MUC7: variants seen among roughly 807,000 people sequenced by gnomAD.
MUC7 encodes the protein mucin 7, secreted, also known as mucin-7.
In MUC7, 2 loss-of-function variants were observed where a neutral mutation model predicts 2.5. The observed-to-expected ratio is 0.81, with a 90% CI of 0.33 to 2.55. The LOEUF (loss-of-function observed/expected upper bound fraction) is 2.55. MUC7 is among the 30% of genes most tolerant of loss of function. MUC7 has a pLI of 0.11. For synonymous variants in MUC7, 133 were observed against 173.4 expected, an observed-to-expected ratio of 0.77 and a Z score of 1.83; for missense variants, 408 against 455.6, an observed-to-expected ratio of 0.90 and a Z score of 0.95.
rs1219212206 is a variant in MUC7, at chr4:70,482,776, T to G, written c.*898T>G. 1 of 152,256 alleles carries G rather than the reference T, an allele frequency of 6.6e-6. No homozygotes were observed. Among genetic ancestry groups the G allele is most frequent in the Non-Finnish European group, 1.5e-5 (1 of 68,040 alleles). The allele number at this position is 152,256 out of a possible 1,614,324, so 9.4% of individuals were successfully genotyped here. The stretch of plus-strand genomic sequence containing the variant: ...ATTTAGTATACATTTGAATGTATTT[T>G]AAACCATGCCAAACTACTGCTTTAA... On this transcript the variant is annotated 3_prime_UTR_variant, in exon 3 of 3. Transcript: ENST00000304887.
chr4:70,456,427 T>A (rs1396789763), intron 1 of MUC7, among the ~76,000 whole-genome samples: 1 of 152,204 alleles, frequency 6.6e-6, no homozygotes, highest in East Asian at 1.9e-4. Context: ...TGAGACTGGG[T>A]AATTTATAAA....
intron 1 of MUC7, among the ~76,000 whole-genome samples, chr4:70,459,175 T>G (rs552206476): frequency 3.7e-4 from 57 of 152,284 alleles, no homozygotes; most frequent in African/African-American, 1.3e-3. Context: ...TTAATACTAA[T>G]AGTTACCTCA....
At chr4:70,433,123 G>A (rs1421706950) in intron 1 of MUC7, among the ~76,000 whole-genome samples, 1 of 152,144 alleles carries the variant, frequency 6.6e-6, no homozygotes, top group Non-Finnish European at 1.5e-5. Flanking sequence ...TGCTGTTTTG[G>A]TTACTGTAGC....
chr4:70,461,613 A>G (rs946529844), intron 1 of MUC7, among the ~76,000 whole-genome samples: 1 of 152,170 alleles, frequency 6.6e-6, no homozygotes, highest in African/African-American at 2.4e-5. Context: ...ACAAAATGCT[A>G]TCTTTAAAGT....
chr4:70,456,623 G>A (rs1049599340), intron 1 of MUC7, among the ~76,000 whole-genome samples: 2 of 152,148 alleles, frequency 1.3e-5, no homozygotes, highest in African/African-American at 4.8e-5. Flanking sequence ...TCACTGTCAT[G>A]AGAACAGCAT....
At chr4:70,471,485 A>G (rs895576395), upstream of MUC7, among the ~76,000 whole-genome samples, 8 of 152,184 alleles carry the variant, frequency 5.3e-5, no homozygotes, top group African/African-American at 1.9e-4. Flanking sequence ...TATAAAAGAA[A>G]GGCTTTTTAG....
At chr4:70,467,563 A>T (rs890710384), upstream of MUC7, among the ~76,000 whole-genome samples, 1 of 152,242 alleles carries the variant, frequency 6.6e-6, no homozygotes, top group African/African-American at 2.4e-5. Flanking sequence ...TGCAATAAAA[A>T]ATGATAAAAG....
rs142374255 is a variant in MUC7 at position 70,458,819 on chromosome 4, AACAG to A, written c.-92-13392_-92-13389del. ...TTGCTAGAAACATGATTATAAGAAAAACAGACAAAGTTATTAACAGAAAAAAAGA... is the reference window on the plus strand; with the variant it reads ...TTGCTAGAAACATGATTATAAGAAAAACAAAGTTATTAACAGAAAAAAAGA... On this transcript the variant is annotated intron_variant, in intron 1 of 3. Transcript: ENST00000413702. Among the ~76,000 whole-genome samples the A allele has an allele frequency of 5.5e-3, 836 of 152,232 alleles. 4 individuals are homozygous for A. The highest frequency in any genetic ancestry group is 0.019 in the African/African-American group (798 of 41,564).
intron 1 of MUC7, chr4:70,430,837 G>T (rs1050540281): frequency 1.3e-5 from 2 of 152,082 alleles, no homozygotes; most frequent in African/African-American, 4.8e-5. Context: ...GGTTAGTAAT[G>T]CTATTTTATT....
intron 1 of MUC7, among the ~76,000 whole-genome samples, chr4:70,438,456 T>TTTTGATTTGGTTTGG (rs1553917928): frequency 6.6e-6 from 1 of 151,350 alleles, no homozygotes; most frequent in South Asian, 2.1e-4. Flanking sequence ...TTTTGTTTTG[T>TTTTGATTTGGTTTGG]TTTGGTTTGG....
intron 1 of MUC7, among the ~76,000 whole-genome samples, chr4:70,464,455 T>C (rs1734631102): frequency 6.6e-6 from 1 of 152,132 alleles, no homozygotes; most frequent in Non-Finnish European, 1.5e-5. Flanking sequence ...TCGAGCTCAG[T>C]GGTTCCCACC....
At chr4:70,473,970 C>T (rs1454958922) in intron 1 of MUC7, 37 bp from the exon 2 acceptor site, 15 of 1,458,312 alleles carry the variant, frequency 1.0e-5, no homozygotes, top group Non-Finnish European at 1.4e-5. Context: ...CCCATAATAT[C>T]ATAACTAATA....
chr4:70,477,011 A>T (rs189257307), intron 2 of MUC7, among the ~76,000 whole-genome samples: 1 of 152,358 alleles, frequency 6.6e-6, no homozygotes, highest in Admixed American at 6.5e-5. Flanking sequence ...ATTATTTAGC[A>T]TAATGCTTTC....
chr4:70,460,932 C>T (rs1673944492), intron 1 of MUC7, among the ~76,000 whole-genome samples: 1 of 152,168 alleles, frequency 6.6e-6, no homozygotes, highest in Admixed American at 6.5e-5. Flanking sequence ...GTGCAATGCC[C>T]TCATGGAGTC....
At chr4:70,470,619 T>C (rs941074032), upstream of MUC7, among the ~76,000 whole-genome samples, 2 of 152,170 alleles carry the variant, frequency 1.3e-5, no homozygotes, top group African/African-American at 4.8e-5. Context: ...TTACAACTTA[T>C]CACTAATTGG....
rs371585576 is a variant in MUC7, at chr4:70,463,755, C to T, written c.-92-8460C>T. On this transcript the variant is annotated intron_variant, in intron 1 of 3. Coordinates refer to the MUC7 transcript ENST00000413702. Reference sequence around the variant, plus strand: ...CCAAGTGGCTTTAACACCGTAAGAACATTAAAATAGCCCTCCCGCTATGCA... The same window carrying T: ...CCAAGTGGCTTTAACACCGTAAGAATATTAAAATAGCCCTCCCGCTATGCA... 1.2e-4 allele frequency among the ~76,000 whole-genome samples: 18 copies of T among 152,240 alleles called. No homozygotes were observed. In the East Asian group the frequency reaches 2.5e-3, roughly 21 times the overall value.
At position 70,481,920 on chromosome 4, in the gene MUC7, G is replaced by T; in HGVS notation, c.*42G>T. The T allele has an allele frequency of 6.3e-7, 1 of 1,584,674 alleles. No individual in the cohort carries two copies. The highest frequency in any genetic ancestry group is 1.2e-5 in the South Asian group (1 of 85,476). On this transcript the variant is annotated 3_prime_UTR_variant, in exon 3 of 3. Coordinates refer to ENST00000304887, the MANE Select transcript of MUC7 (RefSeq NM_152291.3). ...AAGTGTTCTGTCATTTACAAGATGT[G>T]ATTCATGAGTGCAGAACTACCACCT...
At position 70,430,689 on chromosome 4, in the gene MUC7, T is replaced by C. The variant is rs150665362; in HGVS notation, c.-93+2T>C. The C allele has an allele frequency of 4.4e-4, 67 of 152,220 alleles. No homozygotes were observed. The East Asian group carries it at 0.01, about 24-fold the overall frequency. 9.4% of individuals were successfully genotyped at this position (152,220 alleles called of 1,614,324 possible). ...CTTGGAGGAAGGATTCCTTCAAAGG[T>C]AGGTACCTGGGAATTCACAAATTAA... On this transcript the variant is annotated splice_donor_variant, in intron 1 of 3. Coordinates refer to the MUC7 transcript ENST00000413702. LOFTEE classifies it low-confidence loss of function (5UTR_SPLICE).
chr4:70,459,204 G>A (rs570723480), intron 1 of MUC7, among the ~76,000 whole-genome samples: 2 of 152,222 alleles, frequency 1.3e-5, no homozygotes, highest in African/African-American at 4.8e-5. Flanking sequence ...TAATTGACTG[G>A]ATTAAGAAAA....
Sources: gnomAD v4.1 joint callset for allele counts (sites outside exome capture counted in the v4.1 genomes callset) on GRCh38, gnomAD v4.1.1 for gene constraint, MANE v1.5 for transcripts, NCBI Gene and HGNC (gene_info 2026-07-23, HGNC 2026-07-21) for gene names.